Variants in TNKS1BP1 observed in about 807,000 individuals in gnomAD.
TNKS1BP1 encodes CCR4-NOT transcription complex subunit 12.
In TNKS1BP1, 48 loss-of-function variants were observed where a neutral mutation model predicts 141.1. The observed-to-expected ratio is 0.34, with a 90% CI of 0.27 to 0.43. The LOEUF (loss-of-function observed/expected upper bound fraction) is 0.43, where lower values mean the gene tolerates loss of function less well. TNKS1BP1 is among the 20% of genes least tolerant of loss of function. The pLI, the probability that TNKS1BP1 is intolerant of heterozygous loss-of-function variation, is 1.00. For missense variants in TNKS1BP1, 2,149 were observed against 2,226.0 expected (o/e 0.97, Z 0.70); for synonymous variants, 875 against 898.2 (o/e 0.97, Z 0.46).
chr11:57,307,893 A>G (rs1227124292), intron 6 of TNKS1BP1, among the ~76,000 whole-genome samples: 1 of 152,236 alleles, frequency 6.6e-6, no homozygotes, highest in East Asian at 1.9e-4. Context: ...AGGCTTCAAG[A>G]CAGGACAGGC....
At chr11:57,318,713 C>A (rs1217726953) in intron 3 of TNKS1BP1, among the ~76,000 whole-genome samples, 4 of 152,258 alleles carry the variant, frequency 2.6e-5, no homozygotes, top group Non-Finnish European at 5.9e-5. Flanking sequence ...CCTCCAAAGT[C>A]CCGTGCCCAG....
chr11:57,301,163 C>G (rs1361212026), intron 9 of TNKS1BP1, 122 bp from the exon 10 acceptor site: 1 of 1,064,482 alleles, frequency 9.4e-7, no homozygotes, highest in Non-Finnish European at 1.3e-6. Flanking sequence ...CTCTGCAGTC[C>G]TTTCACCCCA....
chr11:57,300,485 G>C, intron 11 of TNKS1BP1, 43 bp downstream of exon 11: 2 of 1,593,122 alleles, frequency 1.3e-6, no homozygotes, highest in Non-Finnish European at 1.7e-6. Flanking sequence ...CTCCAGGGCA[G>C]GCCCTCCTCA....
chr11:57,324,599 T>A (rs1460434108), intron 1 of TNKS1BP1, among the ~76,000 whole-genome samples: 1 of 134,698 alleles, frequency 7.4e-6, no homozygotes, highest in East Asian at 2.7e-4. Context: ...CCCTTTCTTC[T>A]GGCTCTGCCA....
Position 57,319,969 on chromosome 11 carries a change from TAA to T in TNKS1BP1, c.728+108_728+109del, listed in dbSNP as rs1855856184. 3.4e-6 allele frequency: 5 copies of T among 1,456,110 alleles called. No homozygotes were observed. The Admixed American group carries it at 9.9e-5, about 29-fold the overall frequency. 90.2% of individuals were successfully genotyped at this position (1,456,110 alleles called of 1,614,324 possible). On this transcript the variant is annotated intron_variant, in intron 3 of 11. Coordinates refer to ENST00000358252, the MANE Select transcript of TNKS1BP1 (RefSeq NM_033396.3). ...TCACAGCACACAACCAACCTACAGG[TAA>T]AAGTCACAACCCTATATGGGGCCAT... is the stretch of plus-strand genomic sequence containing the variant.
intron 1 of TNKS1BP1, 61 bp from the exon 2 acceptor site, chr11:57,322,011 G>A: frequency 1.5e-6 from 2 of 1,300,848 alleles, no homozygotes; most frequent in South Asian, 1.5e-5. Flanking sequence ...AGGTTTAGCA[G>A]AGAGAAGTCT....
Position 57,308,555 on chromosome 11 carries a change from G to A in TNKS1BP1, c.4156C>T (p.Pro1386Ser), listed in dbSNP as rs758343896. The change falls in exon 6 of 12, where the codon CCT becomes TCT. Residue 1386 changes from proline (P) to serine (S), a missense_variant. Pro to Ser is a moderately conservative substitution (Grantham distance 74, BLOSUM62 -1). Transcript: ENST00000358252. ...PGLRHNGSLS[P>S]GLEARDPLEA... ...AAGGGGTCTCTGGCCTCCAGGCCAG[G>A]AGACAAGCTGCCATTGTGCCTCAGG... The A allele has an allele frequency of 6.8e-6, 11 of 1,613,940 alleles. No homozygotes were observed. In the African/African-American group the frequency reaches 1.5e-4, roughly 22 times the overall value.
chr11:57,317,927 T>C, intron 3 of TNKS1BP1, 40 bp from the exon 4 acceptor site: 2 of 1,593,936 alleles, frequency 1.3e-6, no homozygotes, highest in East Asian at 2.2e-5. Flanking sequence ...CACGGAATGT[T>C]AGAGTCTGTC....
At chr11:57,319,425 G>A (rs1855847381) in intron 3 of TNKS1BP1, among the ~76,000 whole-genome samples, 1 of 152,114 alleles carries the variant, frequency 6.6e-6, no homozygotes, top group Non-Finnish European at 1.5e-5. Flanking sequence ...GAACAAACAG[G>A]ATGCCAACGA....
At chr11:57,315,600 C>A (rs533928768) in intron 4 of TNKS1BP1, among the ~76,000 whole-genome samples, 1 of 152,182 alleles carries the variant, frequency 6.6e-6, no homozygotes, top group Admixed American at 6.5e-5. Context: ...GGCACTCCCC[C>A]TGCCATTCAC....
At chr11:57,306,455 C>T (rs1590579268) in intron 6 of TNKS1BP1, among the ~76,000 whole-genome samples, 1 of 152,264 alleles carries the variant, frequency 6.6e-6, no homozygotes, top group East Asian at 1.9e-4. Flanking sequence ...TCTGTACGGC[C>T]ACAGAGTACC....
chr11:57,312,067 G>A (rs545677447), intron 5 of TNKS1BP1, among the ~76,000 whole-genome samples: 1 of 152,286 alleles, frequency 6.6e-6, no homozygotes, highest in South Asian at 2.1e-4. Flanking sequence ...CTCTTTTAAG[G>A]TCACACCTGG....
At chr11:57,319,780 A>C (rs1223010510) in intron 3 of TNKS1BP1, among the ~76,000 whole-genome samples, 1 of 151,940 alleles carries the variant, frequency 6.6e-6, no homozygotes, top group Non-Finnish European at 1.5e-5. Context: ...AAAAAAAAAA[A>C]AAAAAAGTCT....
chr11:57,315,157 G>T (rs956927992), intron 4 of TNKS1BP1, among the ~76,000 whole-genome samples: 1 of 151,924 alleles, frequency 6.6e-6, no homozygotes, highest in African/African-American at 2.4e-5. Context: ...TCCTCTCAAG[G>T]TCACACCCTA....
Position 57,312,725 on chromosome 11 carries a change from G to C in TNKS1BP1, c.1963C>G (p.Arg655Gly), listed in dbSNP as rs143494310. 14 of 1,579,000 alleles carry C rather than the reference G, an allele frequency of 8.9e-6. No homozygotes were observed. The highest frequency in any genetic ancestry group is 1.2e-5 in the Non-Finnish European group (14 of 1,160,686). Residue 655 changes from arginine (R) to glycine (G), a missense_variant, in exon 5 of 12, where the codon CGG (arginine) becomes GGG (glycine). Transcript: ENST00000358252. ...PVEEEAVTLA[R>G]AETTQARTEA... ...GTCCTGGCTTGGGTGGTCTCAGCCC[G>C]GGCTAGGGTCACGGCCTCCTCCTCA...
rs769006971 is a variant in TNKS1BP1, at chr11:57,317,860, G to A, written c.756C>T (p.Asn252=). Residue 252 remains asparagine, a synonymous_variant, in exon 4 of 12, where the codon AAC becomes AAT. Transcript: ENST00000358252. ...ERSLPSDLAF[N]GDLAKAASSE... ...AGCTGGCTGCCTTAGCCAGGTCCCC[G>A]TTGAAGGCCAGGTCGGAAGGAAGGC... The A allele has an allele frequency of 1.6e-5, 26 of 1,613,892 alleles. 1 individual carries two copies. Among genetic ancestry groups the A allele is most frequent in the Middle Eastern group, 1.6e-4 (1 of 6,084 alleles).
In TNKS1BP1 at chr11:57,309,461, G is replaced by A. The variant is rs749612166; in HGVS notation, c.3250C>T (p.Arg1084Ter). 8 of 1,613,954 alleles carry A rather than the reference G, an allele frequency of 5.0e-6. No homozygotes were observed. Among genetic ancestry groups the A allele is most frequent in the Admixed American group, 1.7e-5 (1 of 60,012 alleles). The change falls in exon 6 of 12, where the codon CGA becomes TGA. Residue 1084 changes from arginine to a stop codon, truncating the protein, a stop_gained. Coordinates refer to ENST00000358252, the MANE Select transcript of TNKS1BP1 (RefSeq NM_033396.3). LOFTEE classifies it high-confidence loss of function. The surrounding 1 kb of genome is among the most constrained non-coding windows in gnomAD (Gnocchi z 4.3). ...AGGCTAAACTCACCGACCCAGCCTC[G>A]CTTTCCCATCTCCCCATCTTCCAGG... ...ADLEDGEMGKRGWVGEFSLSV... is the reference protein window; with the variant it reads ...ADLEDGEMGK
intron 9 of TNKS1BP1, 117 bp from the exon 10 acceptor site, chr11:57,301,158 C>CTTG: frequency 1.8e-6 from 2 of 1,120,294 alleles, no homozygotes; most frequent in Non-Finnish European, 2.4e-6. Context: ...GACCCCTCTG[C>CTTG]AGTCCTTTCA....
rs202069643 is a variant in TNKS1BP1, at chr11:57,313,166, C to T, written c.1522G>A (p.Glu508Lys). 509 of 1,612,826 alleles carry T rather than the reference C, an allele frequency of 3.2e-4. 1 individual carries two copies. Among genetic ancestry groups the T allele is most frequent in the Non-Finnish European group, 4.1e-4 (484 of 1,180,038 alleles). Residue 508 changes from glutamate (E) to lysine (K), a missense_variant, in exon 5 of 12, where the codon GAG (glutamate) becomes AAG (lysine). Transcript: ENST00000358252. ...GCCAAGTTGCCAGCCTCAGCAGCCT[C>T]GGCGGCCTCACTGGCTTCAGTGATG... Reference protein sequence around the residue: ...SPITEASEAAEAAEAGNLAVS... With the variant: ...SPITEASEAAKAAEAGNLAVS...
Sources: gnomAD v4.1 joint callset for allele counts (sites outside exome capture counted in the v4.1 genomes callset) on GRCh38, gnomAD v4.1.1 for gene constraint, Gnocchi (gnomAD v3.1) non-coding constraint, MANE v1.5 for transcripts, NCBI Gene and HGNC (gene_info 2026-07-23, HGNC 2026-07-21) for gene names.